Variants in FBXO46 observed in about 807,000 individuals in gnomAD.
FBXO46 encodes F-box only protein 46.
FBXO46 carries 13 observed loss-of-function variants against 30.7 expected under a neutral mutation model. The ratio of observed to expected loss-of-function variants is 0.42; its 90% CI spans 0.28 to 0.67. The LOEUF is 0.67. Among genes scored for constraint, FBXO46 ranks in the 30% least tolerant of loss-of-function variants. The pLI is 0.21. For missense variants in FBXO46, 754 were observed against 871.5 expected (o/e 0.87, Z 1.70); for synonymous variants, 467 against 385.8 (o/e 1.21, Z -2.47).
At chr19:45,720,686 T>C (rs751882283) in intron 1 of FBXO46, among the ~76,000 whole-genome samples, 2 of 151,780 alleles carry the variant, frequency 1.3e-5, no homozygotes, top group African/African-American at 4.8e-5. Context: ...CTTGAACTCT[T>C]GAACTCAAGC....
chr19:45,732,588 C>CTTTTTTTTT (rs750349502), upstream of FBXO46, among the ~76,000 whole-genome samples: 14 of 86,942 alleles, frequency 1.6e-4, no homozygotes, highest in South Asian at 4.7e-4. Context: ...CTTTTTTTTC[C>CTTTTTTTTT]TTTTTTTTTT....
At position 45,710,933 on chromosome 19, in the gene FBXO46, GC is replaced by G. The variant is rs1967946289; in HGVS notation, c.*750del. 1 of 180,126 alleles carries G rather than the reference GC, an allele frequency of 5.6e-6. No individual in the cohort carries two copies. The highest frequency in any genetic ancestry group is 1.2e-5 in the Non-Finnish European group (1 of 86,210). 11.2% of individuals were successfully genotyped at this position (180,126 alleles called of 1,614,324 possible). A position where few individuals can be genotyped will look rare whatever the true frequency, so the allele number is the denominator to read the frequency against. On this transcript the variant is annotated 3_prime_UTR_variant, in exon 2 of 2. Transcript: ENST00000317683. The stretch of plus-strand genomic sequence containing the variant: ...ACGGGGCCCCCCCACGCTGTCAAAA[GC>G]GAGGCAAAGGGCTTCACAGCTTTAT...
intron 1 of FBXO46, among the ~76,000 whole-genome samples, chr19:45,724,427 G>C (rs1431676105): frequency 6.6e-6 from 1 of 152,208 alleles, no homozygotes; most frequent in Non-Finnish European, 1.5e-5. Flanking sequence ...TTGCAGAACT[G>C]CCCTACCATT....
Position 45,713,876 on chromosome 19 carries a change from G to A in FBXO46, c.-78-303C>T, listed in dbSNP as rs977453921. On this transcript the variant is annotated intron_variant, in intron 1 of 1. Coordinates refer to ENST00000317683, the MANE Select transcript of FBXO46 (RefSeq NM_001080469.2). This position sits in a 1 kb window ranked among gnomAD's most constrained non-coding sequence, Gnocchi z 4.7. The stretch of plus-strand genomic sequence containing the variant: ...CAAGCTACTTGGGAGGCTGAGGCAC[G>A]AGAATCGCTTGAACCTGGGAGGTGG... Among the ~76,000 whole-genome samples, 24 of 149,156 alleles carry A rather than the reference G, an allele frequency of 1.6e-4. No individual in the cohort carries two copies. The highest frequency in any genetic ancestry group is 4.7e-4 in the African/African-American group (19 of 40,364).
upstream of FBXO46, among the ~76,000 whole-genome samples, chr19:45,733,023 T>A (rs1983130461): frequency 6.6e-6 from 1 of 152,136 alleles, no homozygotes; most frequent in South Asian, 2.1e-4. This position sits in a 1 kb window ranked among gnomAD's most constrained non-coding sequence, Gnocchi z 5.7. Context: ...GCCTGGTGCT[T>A]GGCACACAGG....
chr19:45,722,832 G>C (rs561285960), intron 1 of FBXO46, among the ~76,000 whole-genome samples: 1 of 151,406 alleles, frequency 6.6e-6, no homozygotes. Flanking sequence ...AGGCTGAAGC[G>C]GGCACTTGAG....
upstream of FBXO46, among the ~76,000 whole-genome samples, chr19:45,732,497 C>A (rs1306628081): frequency 1.9e-5 from 2 of 102,624 alleles, no homozygotes; most frequent in Non-Finnish European, 3.5e-5. Context: ...AGTTTAAGAC[C>A]AAACTAGGCA....
At chr19:45,726,590 G>T (rs1968243670) in intron 1 of FBXO46, among the ~76,000 whole-genome samples, 1 of 151,978 alleles carries the variant, frequency 6.6e-6, no homozygotes, top group Non-Finnish European at 1.5e-5. Context: ...GGACGTTGCA[G>T]TGAGCCAAGA....
At chr19:45,723,818 C>A (rs913106403) in intron 1 of FBXO46, among the ~76,000 whole-genome samples, 2 of 152,074 alleles carry the variant, frequency 1.3e-5, no homozygotes, top group Admixed American at 6.6e-5. Context: ...CGCCACCACG[C>A]CCAGCTAATT....
Position 45,712,035 on chromosome 19 carries a change from G to C in FBXO46, c.1461C>G (p.Phe487Leu), listed in dbSNP as rs1396113384. ...GGGCGGCCAGCGCGCGCGTGGGCAG[G>C]AAGCTGAAGATCTTGACCAGCACGT... The part of the protein sequence containing the change: ...PEHVLVKIFS[F>L]LPTRALAALK... Residue 487 changes from phenylalanine to leucine, a missense_variant, in exon 2 of 2, where the codon TTC becomes TTG. By Grantham distance (22) the Phe-to-Leu change is conservative (BLOSUM62 0). Around this residue, in one of 5 missense-constraint regions of FBXO46, gnomAD observed 162 missense variants for 258.7 expected, o/e 0.63. Coordinates refer to ENST00000317683, the MANE Select transcript of FBXO46 (RefSeq NM_001080469.2). The surrounding 1 kb of genome is among the most constrained non-coding windows in gnomAD (Gnocchi z 8.8). 1 of 1,612,438 alleles carries C rather than the reference G, an allele frequency of 6.2e-7. No homozygotes were observed. The highest frequency in any genetic ancestry group is 8.5e-7 in the Non-Finnish European group (1 of 1,179,554).
In FBXO46 at chr19:45,711,773, CG is replaced by C; in HGVS notation, c.1722del (p.Gly575AlafsTer67). 6.3e-7 allele frequency: 1 copy of C among 1,599,018 alleles called. No individual in the cohort carries two copies. The highest frequency in any genetic ancestry group is 8.5e-7 in the Non-Finnish European group (1 of 1,175,270). On this transcript the variant is annotated frameshift_variant, in exon 2 of 2. Coordinates refer to ENST00000317683, the MANE Select transcript of FBXO46 (RefSeq NM_001080469.2). LOFTEE classifies it high-confidence loss of function. ...MCCRRADRETPGCRLGLHDNN... is the reference protein window; with the variant it reads ...MCCRRADRETXGCRLGLHDNN... The stretch of plus-strand genomic sequence containing the variant: ...TTATCGTGGAGGCCCAGGCGGCAGC[CG>C]GGAGTCTCGCGGTCGGCTCGACGGC...
At position 45,713,214 on chromosome 19, in the gene FBXO46, G is replaced by A. The variant is rs370353061; in HGVS notation, c.282C>T (p.Pro94=). ...AGGCCACCTTCTCCTTTGTATTCCC[G>A]GGCTTGATGACATACCACGTGTCCA... The part of the protein sequence containing the change: ...VLLDTWYVIK[P]GNTKEKVAFF... The change falls in exon 2 of 2, where the codon CCC becomes CCT. Residue 94 remains proline, a synonymous_variant. Transcript: ENST00000317683. The surrounding 1 kb of genome is among the most constrained non-coding windows in gnomAD (Gnocchi z 4.7). 46 of 1,613,928 alleles carry A rather than the reference G, an allele frequency of 2.9e-5. No homozygotes were observed. In the Middle Eastern group the frequency reaches 1.2e-3, roughly 41 times the overall value.
At position 45,711,935 on chromosome 19, in the gene FBXO46, G is replaced by C; in HGVS notation, c.1561C>G (p.Arg521Gly). 1 of 1,613,298 alleles carries C rather than the reference G, an allele frequency of 6.2e-7. No homozygotes were observed. The highest frequency in any genetic ancestry group is 2.2e-5 in the East Asian group (1 of 44,862). The change falls in exon 2 of 2, where the codon CGA (arginine) becomes GGA (glycine). Residue 521 changes from arginine to glycine, a missense_variant. Arg to Gly is a moderately radical substitution (Grantham distance 125, BLOSUM62 -2). This residue lies in a region of FBXO46 where 162 missense variants were observed against 258.7 expected (regional missense o/e 0.63). Transcript: ENST00000317683. ...GGATCATCGCGGTAGAGCGGGTCTC[G>C]GCTCCAGCGCGAGTCTGTGGCCCGC... ...GVRATDSRWSRDPLYRDDPCK... is the reference protein window; with the variant it reads ...GVRATDSRWSGDPLYRDDPCK...
intron 1 of FBXO46, among the ~76,000 whole-genome samples, chr19:45,727,187 T>G (rs1968251179): frequency 6.6e-6 from 1 of 151,090 alleles, no homozygotes; most frequent in African/African-American, 2.4e-5. Flanking sequence ...AGGTGGAAGT[T>G]GCAGTGAGCC....
At chr19:45,720,089 T>C (rs1222744332) in intron 1 of FBXO46, among the ~76,000 whole-genome samples, 2 of 151,910 alleles carry the variant, frequency 1.3e-5, no homozygotes, top group Non-Finnish European at 2.9e-5. Flanking sequence ...CTCAATCTCC[T>C]GGGCTCAAGT....
Position 45,725,656 on chromosome 19 carries a change from C to G in FBXO46, c.-79+5193G>C, listed in dbSNP as rs186966671. On this transcript the variant is annotated intron_variant, in intron 1 of 1. Coordinates refer to ENST00000317683, the MANE Select transcript of FBXO46 (RefSeq NM_001080469.2). ...GGCTGAGGTGGGAGGATGGCTTGAGCCCGGGAGGTAGAGGTTGCAGGGAGC... is the reference window on the plus strand; with the variant it reads ...GGCTGAGGTGGGAGGATGGCTTGAGGCCGGGAGGTAGAGGTTGCAGGGAGC... Among the ~76,000 whole-genome samples, 16 of 152,086 alleles carry G rather than the reference C, an allele frequency of 1.1e-4. No homozygotes were observed. In the East Asian group the frequency reaches 2.9e-3, roughly 28 times the overall value.
chr19:45,719,901 T>G (rs1419180447), intron 1 of FBXO46, among the ~76,000 whole-genome samples: 2 of 152,236 alleles, frequency 1.3e-5, no homozygotes, highest in African/African-American at 4.8e-5. Context: ...TTCTATCTCC[T>G]ATTTTTAATT....
At position 45,725,506 on chromosome 19, in the gene FBXO46, C is replaced by T. The variant is rs1278006871; in HGVS notation, c.-79+5343G>A. 2.6e-5 allele frequency among the ~76,000 whole-genome samples: 4 copies of T among 151,960 alleles called. No homozygotes were observed. In the South Asian group the frequency reaches 6.2e-4, roughly 24 times the overall value. ...TGTAATCCCAGCAGTTTGGGCAGGTCGACAGCTTGAGTCTCATTGTTCAGG... is the reference window on the plus strand; with the variant it reads ...TGTAATCCCAGCAGTTTGGGCAGGTTGACAGCTTGAGTCTCATTGTTCAGG... On this transcript the variant is annotated intron_variant, in intron 1 of 1. Transcript: ENST00000317683.
At chr19:45,729,412 G>T (rs1186733548) in intron 1 of FBXO46, among the ~76,000 whole-genome samples, 2 of 152,196 alleles carry the variant, frequency 1.3e-5, no homozygotes, top group Non-Finnish European at 2.9e-5. Context: ...GTGACAGAGG[G>T]AGACTGTCTC....
Sources: allele counts gnomAD v4.1 joint callset (sites outside exome capture counted in the v4.1 genomes callset), GRCh38; gene constraint gnomAD v4.1.1; regional missense constraint gnomAD v4.1.1; non-coding constraint Gnocchi (gnomAD v3.1); transcripts MANE v1.5; gene names NCBI Gene and HGNC (gene_info 2026-07-23, HGNC 2026-07-21).